Variants in ANKRD44 observed in about 807,000 individuals in gnomAD.
ANKRD44 encodes the protein serine/threonine-protein phosphatase 6 regulatory ankyrin repeat subunit B.
ANKRD44 carries 35 observed loss-of-function variants against 116.0 expected under a neutral mutation model. That is an observed-to-expected ratio of 0.30 (90% CI 0.23 to 0.40). ANKRD44 has a LOEUF of 0.40. Among genes scored for constraint, ANKRD44 ranks in the 10% least tolerant of loss-of-function variants. The probability of loss-of-function intolerance (pLI) is 1.00; values close to 1 mark genes in which losing one functional copy is unlikely to be tolerated. For synonymous variants in ANKRD44, 435 were observed against 461.8 expected (o/e 0.94, Z 0.74); for missense variants, 1,014 against 1,242.6 (o/e 0.82, Z 2.77).
At chr2:197,128,380 C>A (rs530201728) in intron 4 of ANKRD44, among the ~76,000 whole-genome samples, 30 of 152,178 alleles carry the variant, frequency 2.0e-4, no homozygotes, top group Non-Finnish European at 4.3e-4. Context: ...ATTTGCATTT[C>A]TCTACTGATC....
intron 16 of ANKRD44, among the ~76,000 whole-genome samples, chr2:197,068,216 TCG>T (rs2077476445): frequency 2.8e-5 from 2 of 70,342 alleles, no homozygotes; most frequent in Non-Finnish European, 5.2e-5. Context: ...TGTGGTGGGG[TCG>T]GGGGAGGGGG....
chr2:196,987,960 G>A lies in ANKRD44; in HGVS notation c.*1631C>T, dbSNP rs2075856971. 1.0e-6 allele frequency: 1 copy of A among 985,114 alleles called. No homozygotes were observed. Among genetic ancestry groups the A allele is most frequent in the South Asian group, 4.7e-5 (1 of 21,286 alleles). The allele number at this position is 985,114 out of a possible 1,614,324, so 61.0% of individuals were successfully genotyped here. The stretch of plus-strand genomic sequence containing the variant: ...TAAAAAAATTTTGCCTTGGGGTATG[G>A]GAGAAAGAGAAAGAGAGGAAGAGAG... On this transcript the variant is annotated 3_prime_UTR_variant, in exon 28 of 28. Coordinates refer to ENST00000282272, the MANE Select transcript of ANKRD44 (RefSeq NM_001195144.2).
intron 15 of ANKRD44, among the ~76,000 whole-genome samples, chr2:197,079,579 G>A (rs2077747550): frequency 6.6e-6 from 1 of 152,162 alleles, no homozygotes; most frequent in South Asian, 2.1e-4. Context: ...TTCTGCTCAG[G>A]GCCTACTGCA....
intron 1 of ANKRD44, among the ~76,000 whole-genome samples, chr2:197,213,178 G>A (rs897861963): frequency 1.4e-4 from 22 of 152,198 alleles, no homozygotes; most frequent in African/African-American, 5.3e-4. Context: ...CACCCAGCGA[G>A]CTATGACCCC....
At chr2:197,018,644 T>G (rs2076436492) in intron 17 of ANKRD44, among the ~76,000 whole-genome samples, 1 of 152,200 alleles carries the variant, frequency 6.6e-6, no homozygotes, top group African/African-American at 2.4e-5. Context: ...TTGATTTGCT[T>G]ATTGTTTGTG....
At chr2:197,276,681 T>C (rs1476090050) in intron 1 of ANKRD44, among the ~76,000 whole-genome samples, 2 of 152,214 alleles carry the variant, frequency 1.3e-5, no homozygotes, top group African/African-American at 2.4e-5. Flanking sequence ...CATTGATTTA[T>C]TTTTAAATAT....
chr2:197,195,125 GC>G (rs899747886), intron 1 of ANKRD44, among the ~76,000 whole-genome samples: 2 of 152,130 alleles, frequency 1.3e-5, no homozygotes, highest in African/African-American at 4.8e-5. Context: ...ATGGGCACAG[GC>G]CACTGTTAAA....
intron 6 of ANKRD44, among the ~76,000 whole-genome samples, chr2:197,124,752 A>G (rs1348569478): frequency 6.6e-6 from 1 of 152,234 alleles, no homozygotes; most frequent in East Asian, 1.9e-4. Flanking sequence ...CATTTCCCAC[A>G]AGTCTACACT....
intron 2 of ANKRD44, among the ~76,000 whole-genome samples, chr2:197,176,533 T>C (rs961819368): frequency 2.6e-5 from 4 of 152,186 alleles, no homozygotes; most frequent in Non-Finnish European, 5.9e-5. Context: ...GTGACTGATA[T>C]GGATTATTTA....
chr2:197,202,430 G>T (rs976599954), intron 1 of ANKRD44, among the ~76,000 whole-genome samples: 3 of 151,976 alleles, frequency 2.0e-5, no homozygotes, highest in Non-Finnish European at 2.9e-5. Flanking sequence ...AATAAGGGGT[G>T]GTCTAGGTGA....
chr2:197,269,994 T>C (rs2082852674), intron 1 of ANKRD44, among the ~76,000 whole-genome samples: 1 of 152,136 alleles, frequency 6.6e-6, no homozygotes, highest in African/African-American at 2.4e-5. Flanking sequence ...CCATGTCTGG[T>C]AGATTGTCCC....
chr2:197,302,590 A>C (rs935204336), intron 1 of ANKRD44: 1 of 152,190 alleles, frequency 6.6e-6, no homozygotes, highest in African/African-American at 2.4e-5. Flanking sequence ...CCATTGTTTC[A>C]CAATAATTGG....
chr2:197,236,000 C>T (rs1399216747), intron 1 of ANKRD44, among the ~76,000 whole-genome samples: 1 of 152,048 alleles, frequency 6.6e-6, no homozygotes, highest in Non-Finnish European at 1.5e-5. Context: ...TAAGAGACAC[C>T]TGGACAAATG....
chr2:197,011,685 C>T (rs1042050203), intron 18 of ANKRD44, among the ~76,000 whole-genome samples: 4 of 152,066 alleles, frequency 2.6e-5, no homozygotes, highest in Non-Finnish European at 5.9e-5. Context: ...GTTGGCCAGG[C>T]TGGTCTCGAA....
At chr2:196,982,468 A>G (rs889046894), downstream of ANKRD44, among the ~76,000 whole-genome samples, 2 of 152,070 alleles carry the variant, frequency 1.3e-5, no homozygotes, top group East Asian at 1.9e-4. Flanking sequence ...CTCTTTCCCA[A>G]CAAAGGCTCC....
intron 16 of ANKRD44, among the ~76,000 whole-genome samples, chr2:197,073,896 T>A (rs904416181): frequency 6.6e-6 from 1 of 152,252 alleles, no homozygotes; most frequent in Non-Finnish European, 1.5e-5. Flanking sequence ...TGAAATGTTC[T>A]ATTTTAACAC....
intron 16 of ANKRD44, among the ~76,000 whole-genome samples, chr2:197,069,341 C>A (rs1239485887): frequency 6.6e-6 from 1 of 152,018 alleles, no homozygotes; most frequent in Non-Finnish European, 1.5e-5. Context: ...GGAGATATAC[C>A]TAATGTAAAT....
chr2:197,043,941 A>C (rs931391450), intron 16 of ANKRD44, among the ~76,000 whole-genome samples: 2 of 152,242 alleles, frequency 1.3e-5, no homozygotes, highest in African/African-American at 4.8e-5. Flanking sequence ...CAAAAATTAA[A>C]GTAATTATAC....
At chr2:197,021,277 T>C (rs2076493988) in intron 17 of ANKRD44, among the ~76,000 whole-genome samples, 1 of 152,234 alleles carries the variant, frequency 6.6e-6, no homozygotes, top group African/African-American at 2.4e-5. Context: ...TGTGTCTTTC[T>C]AGTAGCATGA....
Sources: allele counts gnomAD v4.1 joint callset (sites outside exome capture counted in the v4.1 genomes callset), GRCh38; gene constraint gnomAD v4.1.1; transcripts MANE v1.5; gene names NCBI Gene and HGNC (gene_info 2026-07-23, HGNC 2026-07-21).